The following KBTBD12 variants were observed in gnomAD, a reference collection of about 807,000 sequenced individuals.
KBTBD12 encodes kelch repeat and BTB domain-containing protein 12.
A neutral mutation model predicts 58.7 loss-of-function variants in KBTBD12; 53 were observed. The ratio of observed to expected loss-of-function variants is 0.90; its 90% CI spans 0.72 to 1.14. The LOEUF (loss-of-function observed/expected upper bound fraction) is 1.14. KBTBD12 is among the 50% of genes most tolerant of loss of function. The pLI, the probability that KBTBD12 is intolerant of heterozygous loss-of-function variation, is 0.00. For missense variants in KBTBD12, 704 were observed against 751.3 expected (o/e 0.94, Z 0.74); for synonymous variants, 236 against 259.8 (o/e 0.91, Z 0.88).
At chr3:127,945,202 T>TTTTTTTTTTTTTTTTTTG in intron 4 of KBTBD12, among the ~76,000 whole-genome samples, 1 of 106,110 alleles carries the variant, frequency 9.4e-6, no homozygotes, top group Non-Finnish European at 1.9e-5. Context: ...TTTTTTTTTT[T>TTTTTTTTTTTTTTTTTTG]GAGACGGAGT....
chr3:127,927,637 G>T (rs1052849658), intron 2 of KBTBD12, 127 bp from the exon 3 acceptor site: 3 of 672,066 alleles, frequency 4.5e-6, no homozygotes, highest in Admixed American at 2.9e-5. Flanking sequence ...TTGTATTAAT[G>T]TTTTTTGTCC....
chr3:127,929,203 C>T (rs1939642905), intron 3 of KBTBD12, among the ~76,000 whole-genome samples: 1 of 152,096 alleles, frequency 6.6e-6, no homozygotes, highest in Non-Finnish European at 1.5e-5. Flanking sequence ...TGAACGTTTA[C>T]CTCATAGAGG....
chr3:127,978,390 G>A (rs1267438739), intron 5 of KBTBD12, among the ~76,000 whole-genome samples: 5 of 152,174 alleles, frequency 3.3e-5, no homozygotes, highest in Admixed American at 1.3e-4. Context: ...AAAAGTAAAT[G>A]GTAGTGGGCA....
chr3:127,926,320 A>G (rs1285244442), intron 2 of KBTBD12, among the ~76,000 whole-genome samples: 4 of 152,174 alleles, frequency 2.6e-5, no homozygotes, highest in African/African-American at 9.7e-5. Context: ...CAGAAAACCC[A>G]AACCCATTTT....
At chr3:127,942,702 C>CTATATA (rs58969843) in intron 4 of KBTBD12, among the ~76,000 whole-genome samples, 4 of 142,476 alleles carry the variant, frequency 2.8e-5, no homozygotes, top group East Asian at 2.0e-4. Flanking sequence ...ATATATATAA[C>CTATATA]TATATATATA....
chr3:127,962,376 T>C (rs997466218), intron 4 of KBTBD12, among the ~76,000 whole-genome samples: 1 of 152,238 alleles, frequency 6.6e-6, no homozygotes, highest in Non-Finnish European at 1.5e-5. Flanking sequence ...AGAGTTGTAC[T>C]TAAAGTCATG....
intron 4 of KBTBD12, among the ~76,000 whole-genome samples, chr3:127,936,638 C>T (rs1939836771): frequency 6.6e-6 from 1 of 152,008 alleles, no homozygotes; most frequent in African/African-American, 2.4e-5. Context: ...TGCAGGACAC[C>T]CAAACATTTA....
At chr3:127,917,745 T>C (rs995854578) in intron 1 of KBTBD12, among the ~76,000 whole-genome samples, 1 of 152,244 alleles carries the variant, frequency 6.6e-6, no homozygotes, top group Non-Finnish European at 1.5e-5. Context: ...TTTTATAGTA[T>C]CACAATAAAT....
chr3:127,978,627 C>T (rs1405151483), intron 5 of KBTBD12, among the ~76,000 whole-genome samples: 4 of 151,908 alleles, frequency 2.6e-5, no homozygotes, highest in South Asian at 2.1e-4. Flanking sequence ...TTCTTTTTTT[C>T]GTTCTTTACC....
chr3:127,953,849 C>G (rs932105761), intron 4 of KBTBD12, among the ~76,000 whole-genome samples: 2 of 152,202 alleles, frequency 1.3e-5, no homozygotes, highest in Non-Finnish European at 2.9e-5. Flanking sequence ...ATTTTGTCAG[C>G]TTTGCCACAC....
At chr3:127,965,400 G>A (rs1940543532) in intron 5 of KBTBD12, among the ~76,000 whole-genome samples, 1 of 152,140 alleles carries the variant, frequency 6.6e-6, no homozygotes, top group South Asian at 2.1e-4. Flanking sequence ...GATTGTTTGG[G>A]ATTCGCTGAA....
chr3:127,955,496 T>C (rs1024558021), intron 4 of KBTBD12, among the ~76,000 whole-genome samples: 2 of 152,258 alleles, frequency 1.3e-5, no homozygotes, highest in African/African-American at 4.8e-5. Flanking sequence ...TACCCTTTTC[T>C]TTTGATAAAA....
intron 5 of KBTBD12, among the ~76,000 whole-genome samples, chr3:127,973,348 G>C (rs1205598097): frequency 1.3e-5 from 2 of 152,100 alleles, no homozygotes; most frequent in African/African-American, 4.8e-5. Flanking sequence ...ACCCAAGATG[G>C]GGGCCTTCCT....
intron 4 of KBTBD12, among the ~76,000 whole-genome samples, chr3:127,945,138 G>A (rs1334447946): frequency 1.2e-5 from 1 of 81,620 alleles, no homozygotes; most frequent in East Asian, 4.0e-4. Context: ...TGTTTTCTGT[G>A]TGTTTTTTTT....
intron 5 of KBTBD12, among the ~76,000 whole-genome samples, chr3:127,976,719 T>C (rs935454155): frequency 7.9e-5 from 12 of 152,232 alleles, no homozygotes; most frequent in African/African-American, 2.9e-4. Context: ...GCACTTAAGT[T>C]GTCTCCCAGA....
intron 4 of KBTBD12, among the ~76,000 whole-genome samples, chr3:127,931,889 G>T (rs924428548): frequency 1.3e-5 from 2 of 152,044 alleles, no homozygotes; most frequent in Non-Finnish European, 2.9e-5. Flanking sequence ...GATAAAAGAA[G>T]GTAAATGAGT....
At position 127,931,578 on chromosome 3, in the gene KBTBD12, G is replaced by A. The variant is rs565946255; in HGVS notation, c.1492+1295G>A. On this transcript the variant is annotated intron_variant, in intron 4 of 5. Coordinates refer to ENST00000405109, the MANE Select transcript of KBTBD12 (RefSeq NM_207335.4). The stretch of plus-strand genomic sequence containing the variant: ...AGTGATATATCCATTGGACCAGAAT[G>A]AGATTTCCCCCTAAAGTGGAGCCAC... Among the ~76,000 whole-genome samples, 3 of 152,216 alleles carry A rather than the reference G, an allele frequency of 2.0e-5. No homozygotes were observed. In the South Asian group the frequency reaches 6.2e-4, roughly 32 times the overall value.
chr3:127,973,571 TAGA>T (rs1277321498), intron 5 of KBTBD12, among the ~76,000 whole-genome samples: 2 of 152,188 alleles, frequency 1.3e-5, no homozygotes, highest in Non-Finnish European at 2.9e-5. Flanking sequence ...TCCTCATCCT[TAGA>T]AGAAGTATGC....
At chr3:127,939,954 T>C (rs1396538818) in intron 4 of KBTBD12, among the ~76,000 whole-genome samples, 1 of 152,000 alleles carries the variant, frequency 6.6e-6, no homozygotes, top group African/African-American at 2.4e-5. Flanking sequence ...AAAGCTGGGG[T>C]GGCTTTGTGA....
Sources: allele counts gnomAD v4.1 joint callset (sites outside exome capture counted in the v4.1 genomes callset), GRCh38; gene constraint gnomAD v4.1.1; transcripts MANE v1.5; gene names NCBI Gene and HGNC (gene_info 2026-07-23, HGNC 2026-07-21).